The following C1orf87 variants were observed in gnomAD, a reference collection of about 807,000 sequenced individuals.
C1orf87 encodes chromosome 1 open reading frame 87.
A neutral mutation model predicts 60.5 loss-of-function variants in C1orf87; 58 were observed. The ratio of observed to expected loss-of-function variants is 0.96; its 90% CI spans 0.78 to 1.19. The LOEUF is 1.19. Among genes scored for constraint, C1orf87 ranks in the 50% most tolerant of loss-of-function variants. The probability of loss-of-function intolerance (pLI) is 0.00; values close to 1 mark genes in which losing one functional copy is unlikely to be tolerated. For missense variants in C1orf87, 673 were observed against 638.6 expected, an observed-to-expected ratio of 1.05 and a Z score of -0.58; for synonymous variants, 236 against 227.4, an observed-to-expected ratio of 1.04 and a Z score of -0.34.
At chr1:60,025,341 T>C (rs1456587073) in intron 8 of C1orf87, 60 bp downstream of exon 8, 1 of 1,300,042 alleles carries the variant, frequency 7.7e-7, no homozygotes, top group Non-Finnish European at 1.1e-6. Context: ...AGCTTCACCA[T>C]ATCATTTGGG....
In C1orf87 at chr1:60,054,189, C is replaced by T. The variant is rs372705819; in HGVS notation, c.342+1015G>A. 1.8e-4 allele frequency among the ~76,000 whole-genome samples: 28 copies of T among 152,278 alleles called. 1 individual carries two copies. In the South Asian group the frequency reaches 5.6e-3, roughly 30 times the overall value. ...TTCAAGGATTCAGCCAAACTGGAGA[C>T]TAAGAGGCTTGAGTGACAGCTCAAT... On this transcript the variant is annotated intron_variant, in intron 3 of 11. Transcript: ENST00000371201.
rs185363829 is a variant in C1orf87 at position 60,025,919 on chromosome 1, A to G, written c.1030-421T>C. 2.4e-4 allele frequency among the ~76,000 whole-genome samples: 37 copies of G among 152,332 alleles called. No homozygotes were observed. The East Asian group carries it at 6.9e-3, about 29-fold the overall frequency. ...TTGTATTAGCAGGGTTAATATTACT[A>G]TCTACATTTTATATATGAGGAAACA... On this transcript the variant is annotated intron_variant, in intron 7 of 11. Coordinates refer to ENST00000371201, the MANE Select transcript of C1orf87 (RefSeq NM_152377.3).
intron 2 of C1orf87, among the ~76,000 whole-genome samples, chr1:60,065,778 A>G (rs1268052830): frequency 6.6e-6 from 1 of 152,178 alleles, no homozygotes; most frequent in African/African-American, 2.4e-5. Context: ...AAATGACAGA[A>G]TATGGGCTTT....
intron 2 of C1orf87, among the ~76,000 whole-genome samples, chr1:60,065,560 T>C (rs1425667523): frequency 6.6e-6 from 1 of 152,138 alleles, no homozygotes; most frequent in African/African-American, 2.4e-5. Flanking sequence ...TATCTGTCTA[T>C]TATGTGTTTC....
intron 8 of C1orf87, among the ~76,000 whole-genome samples, chr1:60,016,266 A>G (rs1246881278): frequency 6.6e-6 from 1 of 152,172 alleles, no homozygotes; most frequent in African/African-American, 2.4e-5. Flanking sequence ...AAACCAACTC[A>G]TGGGGTTGCT....
chr1:60,004,679 A>AT (rs940701423), intron 9 of C1orf87, among the ~76,000 whole-genome samples: 21 of 151,184 alleles, frequency 1.4e-4, no homozygotes, highest in Non-Finnish European at 2.4e-4. Flanking sequence ...AGGCAGAGCT[A>AT]TTTTTTTTTC....
At chr1:60,054,661 G>C (rs114664048) in intron 3 of C1orf87, among the ~76,000 whole-genome samples, 171 of 152,144 alleles carry the variant, frequency 1.1e-3, no homozygotes, top group Middle Eastern at 3.4e-3. Flanking sequence ...TGCTTTACTT[G>C]CTTTTTAATT....
rs374823917 is a variant in C1orf87 at position 59,992,224 on chromosome 1, C to CATTT, written c.1481-1392_1481-1391insAAAT. 4.2e-3 allele frequency among the ~76,000 whole-genome samples: 603 copies of CATTT among 143,640 alleles called. 7 individuals carry two copies. Among genetic ancestry groups the CATTT allele is most frequent in the African/African-American group, 0.015 (572 of 39,098 alleles). The allele number at this position is 143,640 out of a possible 152,430, so 94.2% of individuals were successfully genotyped here. ...AAAAGAGATTGCTTCAAGTAGGGGT[C>CATTT]TATTTATTTATTTATTTATTTATTT... On this transcript the variant is annotated intron_variant, in intron 11 of 11. Transcript: ENST00000371201.
intron 8 of C1orf87, among the ~76,000 whole-genome samples, chr1:60,012,686 C>A (rs914942221): frequency 1.5e-4 from 23 of 152,094 alleles, no homozygotes. Context: ...TTCAGGCAGA[C>A]CTGATTTCGA....
chr1:60,002,055 A>G (rs1190945169), intron 9 of C1orf87, among the ~76,000 whole-genome samples: 1 of 152,152 alleles, frequency 6.6e-6, no homozygotes, highest in Non-Finnish European at 1.5e-5. Flanking sequence ...ATGACTGTAC[A>G]GCACAGGTTT....
At chr1:60,072,846 T>C (rs1191662423) in intron 1 of C1orf87, among the ~76,000 whole-genome samples, 176 bp from the exon 2 acceptor site, 1 of 152,234 alleles carries the variant, frequency 6.6e-6, no homozygotes, top group Admixed American at 6.5e-5. Context: ...ATTATCATTT[T>C]TGTTTTACTG....
chr1:59,992,501 C>G (rs1417787541), intron 11 of C1orf87, among the ~76,000 whole-genome samples: 1 of 152,082 alleles, frequency 6.6e-6, no homozygotes, highest in Non-Finnish European at 1.5e-5. Context: ...GCAACCCTCC[C>G]CCTAATGCCT....
chr1:60,037,626 G>A (rs755507741), intron 6 of C1orf87, among the ~76,000 whole-genome samples: 3 of 152,138 alleles, frequency 2.0e-5, no homozygotes, highest in Non-Finnish European at 4.4e-5. Context: ...TGACCTCATC[G>A]CCTCCTATTA....
intron 3 of C1orf87, among the ~76,000 whole-genome samples, chr1:60,047,196 C>T (rs1195355512): frequency 6.6e-6 from 1 of 151,974 alleles, no homozygotes; most frequent in African/African-American, 2.4e-5. Flanking sequence ...TAGAAAATGG[C>T]CAAATGAATA....
At chr1:60,061,249 C>G (rs2100326180) in intron 2 of C1orf87, among the ~76,000 whole-genome samples, 1 of 152,254 alleles carries the variant, frequency 6.6e-6, no homozygotes, top group East Asian at 1.9e-4. Flanking sequence ...AAAATCTTAG[C>G]TGGCGAAACT....
At chr1:60,010,029 T>G (rs1645072256) in intron 9 of C1orf87, among the ~76,000 whole-genome samples, 6 of 149,724 alleles carry the variant, frequency 4.0e-5, no homozygotes, top group African/African-American at 1.5e-4. Flanking sequence ...TTTTTTTTTG[T>G]GGAGACATCA....
chr1:60,046,599 C>A (rs1364913226), intron 3 of C1orf87, among the ~76,000 whole-genome samples: 1 of 151,820 alleles, frequency 6.6e-6, no homozygotes, highest in Non-Finnish European at 1.5e-5. Context: ...CCACCACACC[C>A]AGCTAACTTT....
intron 2 of C1orf87, among the ~76,000 whole-genome samples, chr1:60,066,524 T>C (rs111725697): frequency 8.5e-5 from 13 of 152,266 alleles, no homozygotes; most frequent in African/African-American, 3.1e-4. Flanking sequence ...CAGGCTTCAC[T>C]TCTAATTCTA....
At chr1:59,997,918 G>C (rs940624984) in intron 10 of C1orf87, 102 bp from the exon 11 acceptor site, 5 of 1,166,644 alleles carry the variant, frequency 4.3e-6, no homozygotes, top group African/African-American at 3.1e-5. Flanking sequence ...TTTATAGCAA[G>C]GTTTGAGTTT....
Sources: allele counts gnomAD v4.1 joint callset (sites outside exome capture counted in the v4.1 genomes callset), GRCh38; gene constraint gnomAD v4.1.1; transcripts MANE v1.5; gene names NCBI Gene and HGNC (gene_info 2026-07-23, HGNC 2026-07-21).